Variants in SNX7 observed in about 807,000 individuals in gnomAD.
SNX7 encodes the protein sorting nexin 7, also known as sorting nexin-7.
In SNX7, 35 loss-of-function variants were observed where a neutral mutation model predicts 48.4. The ratio of observed to expected loss-of-function variants is 0.72; its 90% confidence interval spans 0.55 to 0.96. The LOEUF (loss-of-function observed/expected upper bound fraction) is 0.96, where lower values mean the gene tolerates loss of function less well. Ranked by LOEUF, SNX7 falls within the 40% of genes least tolerant of loss-of-function variation. The pLI is 0.00. For missense variants in SNX7, 553 were observed against 548.9 expected, an observed-to-expected ratio of 1.01 and a Z score of -0.07; for synonymous variants, 190 against 190.2, an observed-to-expected ratio of 1.00 and a Z score of 0.01.
At chr1:98,715,312 G>A (rs1282685721) in intron 7 of SNX7, among the ~76,000 whole-genome samples, 3 of 151,938 alleles carry the variant, frequency 2.0e-5, no homozygotes, top group East Asian at 1.9e-4. Flanking sequence ...AGTCTTTGAC[G>A]GGAATGTCAC....
Position 98,760,160 on chromosome 1 carries a change from G to A in SNX7, c.*29G>A. On this transcript the variant is annotated 3_prime_UTR_variant, in exon 9 of 9. Transcript: ENST00000306121. ...CATTGAGGACTTCTGTTTGATCTTT[G>A]GGAGACAGCATTTATTAACCAAAGT... 1.3e-6 allele frequency: 2 copies of A among 1,502,358 alleles called. No individual in the cohort carries two copies. The highest frequency in any genetic ancestry group is 1.9e-6 in the Non-Finnish European group (2 of 1,079,238). The allele number at this position is 1,502,358 out of a possible 1,614,324, so 93.1% of individuals were successfully genotyped here.
chr1:98,732,398 T>C (rs1430802778), intron 7 of SNX7, among the ~76,000 whole-genome samples: 1 of 152,084 alleles, frequency 6.6e-6, no homozygotes, highest in Admixed American at 6.6e-5. Flanking sequence ...GGTACTGTTA[T>C]CCACTTGTTG....
At chr1:98,711,981 T>A (rs1652335310) in intron 7 of SNX7, among the ~76,000 whole-genome samples, 1 of 152,206 alleles carries the variant, frequency 6.6e-6, no homozygotes, top group South Asian at 2.1e-4. Context: ...AAGAAATCAC[T>A]TTCTTTGCTC....
At chr1:98,663,737 A>T (rs933459908) in intron 1 of SNX7, among the ~76,000 whole-genome samples, 1 of 152,122 alleles carries the variant, frequency 6.6e-6, no homozygotes, top group African/African-American at 2.4e-5. Context: ...GTGTTTTTCC[A>T]CCTAATTTTG....
At chr1:98,723,225 T>A (rs1374712972) in intron 7 of SNX7, among the ~76,000 whole-genome samples, 1 of 152,148 alleles carries the variant, frequency 6.6e-6, no homozygotes, top group Non-Finnish European at 1.5e-5. Flanking sequence ...TGGGAAGCAT[T>A]ATCTGGGAAC....
chr1:98,744,133 T>G (rs1033610072), intron 8 of SNX7, among the ~76,000 whole-genome samples: 3 of 152,040 alleles, frequency 2.0e-5, no homozygotes, highest in Non-Finnish European at 4.4e-5. Flanking sequence ...GACAGTACTA[T>G]TTCCAGAATC....
At chr1:98,667,401 G>A (rs1361017702) in intron 1 of SNX7, among the ~76,000 whole-genome samples, 2 of 152,032 alleles carry the variant, frequency 1.3e-5, no homozygotes, top group Admixed American at 6.6e-5. Flanking sequence ...TTTGAGACAA[G>A]GTCTCACTCT....
chr1:98,703,430 T>G (rs773207147), intron 7 of SNX7, among the ~76,000 whole-genome samples: 1 of 152,092 alleles, frequency 6.6e-6, no homozygotes, highest in Non-Finnish European at 1.5e-5. Context: ...ACTATGTATA[T>G]TAACTGAAAT....
chr1:98,726,547 T>C lies in SNX7; in HGVS notation c.1126-11690T>C, dbSNP rs1653181098. Among the ~76,000 whole-genome samples the C allele has an allele frequency of 2.0e-5, 3 of 152,326 alleles. No individual in the cohort carries two copies. In the South Asian group the frequency reaches 6.2e-4, roughly 32 times the overall value. The stretch of plus-strand genomic sequence containing the variant: ...GATGTCATTCAACTGAGCTTGATTA[T>C]GTCTGATTGTTTACTTATCTATATT... On this transcript the variant is annotated intron_variant, in intron 7 of 8. Coordinates refer to ENST00000306121, the MANE Select transcript of SNX7 (RefSeq NM_015976.5).
At chr1:98,742,296 C>A (rs1373658291) in intron 8 of SNX7, among the ~76,000 whole-genome samples, 2 of 152,102 alleles carry the variant, frequency 1.3e-5, no homozygotes, top group Non-Finnish European at 2.9e-5. Flanking sequence ...TGGCACATAG[C>A]AGATTCTTAA....
chr1:98,720,931 AG>A (rs1652836574), intron 7 of SNX7, among the ~76,000 whole-genome samples: 1 of 152,112 alleles, frequency 6.6e-6, no homozygotes, highest in Admixed American at 6.6e-5. Context: ...AAGAAACATC[AG>A]GGGAATTCAC....
intron 7 of SNX7, among the ~76,000 whole-genome samples, chr1:98,707,774 A>G (rs912306334): frequency 6.6e-6 from 1 of 152,212 alleles, no homozygotes; most frequent in African/African-American, 2.4e-5. Flanking sequence ...GAGCAAAGAA[A>G]TGCATTTTCA....
rs888399890 is a variant in SNX7, at chr1:98,759,713, G to A, written c.1279-341G>A. On this transcript the variant is annotated intron_variant, in intron 8 of 8. Transcript: ENST00000306121. The stretch of plus-strand genomic sequence containing the variant: ...GTAATGGGATTCAAATCGAACTGAA[G>A]TATGTTTGTATCATCACTCCTCCTC... Among the ~76,000 whole-genome samples, 4 of 152,048 alleles carry A rather than the reference G, an allele frequency of 2.6e-5. No individual in the cohort carries two copies. The South Asian group carries it at 6.2e-4, about 24-fold the overall frequency.
intron 1 of SNX7, among the ~76,000 whole-genome samples, chr1:98,684,537 G>C (rs1650680452): frequency 6.6e-6 from 1 of 152,134 alleles, no homozygotes; most frequent in Non-Finnish European, 1.5e-5. Context: ...TACCATTCAT[G>C]AGGGCTCTAC....
chr1:98,664,947 T>C (rs1052831435), intron 1 of SNX7, among the ~76,000 whole-genome samples: 1 of 152,196 alleles, frequency 6.6e-6, no homozygotes, highest in African/African-American at 2.4e-5. Context: ...CACAATGAGA[T>C]GAGGCTTCCA....
chr1:98,691,937 A>ACACACACTCTCTCTCT (rs376006567), intron 4 of SNX7, among the ~76,000 whole-genome samples: 9 of 131,170 alleles, frequency 6.9e-5, no homozygotes, highest in East Asian at 2.2e-4. Flanking sequence ...ACACACACAC[A>ACACACACTCTCTCTCT]CTCTCTCTCT....
intron 7 of SNX7, among the ~76,000 whole-genome samples, chr1:98,737,008 G>C (rs1338191223): frequency 6.6e-6 from 1 of 151,802 alleles, no homozygotes; most frequent in Non-Finnish European, 1.5e-5. Context: ...CCTTACCATA[G>C]ACTACATGGC....
chr1:98,680,021 C>A (rs1650391218), intron 1 of SNX7, among the ~76,000 whole-genome samples: 1 of 152,216 alleles, frequency 6.6e-6, no homozygotes. Context: ...TTGTACTGCC[C>A]TAGCAGAGGT....
In SNX7 at chr1:98,695,564, TG is replaced by T. The variant is rs765455691; in HGVS notation, c.690del (p.Gln231LysfsTer10). The T allele has an allele frequency of 9.9e-6, 16 of 1,614,142 alleles. No homozygotes were observed. Among genetic ancestry groups the T allele is most frequent in the Non-Finnish European group, 1.4e-5 (16 of 1,180,022 alleles). On this transcript the variant is annotated frameshift_variant, in exon 5 of 9. Transcript: ENST00000306121. LOFTEE classifies it high-confidence loss of function. Reference protein sequence around the residue: ...KKQGPGLLSRMGQTVRAVASS... With the variant: ...KKQGPGLLSRXGQTVRAVASS... ...CAAGGTCCTGGCTTGCTAAGCAGGA[TG>T]GGGCAAACCGTCAGAGCTGTTGCGT...
Sources: allele counts gnomAD v4.1 joint callset (sites outside exome capture counted in the v4.1 genomes callset), GRCh38; gene constraint gnomAD v4.1.1; transcripts MANE v1.5; gene names NCBI Gene and HGNC (gene_info 2026-07-23, HGNC 2026-07-21).